The following CCL21 variants were observed in gnomAD, a reference collection of about 807,000 sequenced individuals.
The protein encoded by CCL21 is C-C motif chemokine 21.
In CCL21, 12 loss-of-function variants were observed where a neutral mutation model predicts 16.4. The ratio of observed to expected loss-of-function variants is 0.73; its 90% CI spans 0.47 to 1.18. The LOEUF is 1.18. Among genes scored for constraint, CCL21 ranks in the 50% most tolerant of loss-of-function variants. CCL21 has a pLI of 0.00. For synonymous variants in CCL21, 64 were observed against 62.1 expected (o/e 1.03, Z -0.15); for missense variants, 155 against 163.8 (o/e 0.95, Z 0.29).
At position 34,709,665 on chromosome 9, in the gene CCL21, C is replaced by T. The variant is rs775560130; in HGVS notation, c.206G>A (p.Arg69His). The T allele has an allele frequency of 9.9e-6, 16 of 1,614,032 alleles. No individual in the cohort carries two copies. Among genetic ancestry groups the T allele is most frequent in the South Asian group, 5.5e-5 (5 of 91,082 alleles). Residue 69 changes from arginine (R) to histidine (H), a missense_variant, in exon 3 of 4, where the codon CGC becomes CAC. By Grantham distance (29) the Arg-to-His change is conservative. Coordinates refer to ENST00000259607, the MANE Select transcript of CCL21 (RefSeq NM_002989.4). Reference sequence around the variant, plus strand: ...GTCTGCACATAGCTCTGCCTGAGAGCGCTTGCGGGGCAAGAACCTGCGGGT... The same window carrying T: ...GTCTGCACATAGCTCTGCCTGAGAGTGCTTGCGGGGCAAGAACCTGCGGGT... ...IPAILFLPRK[R>H]SQAELCADPK... is the part of the protein sequence containing the mutation.
chr9:34,709,421 C>T lies in CCL21; in HGVS notation c.378G>A (p.Glu126=), dbSNP rs540479251. 7.4e-6 allele frequency: 12 copies of T among 1,611,318 alleles called. No homozygotes were observed. The South Asian group carries it at 1.2e-4, about 16-fold the overall frequency. Residue 126 remains glutamate (E), a synonymous_variant, in exon 4 of 4, where the codon GAG becomes GAA. Coordinates refer to ENST00000259607, the MANE Select transcript of CCL21 (RefSeq NM_002989.4). ...ATGGCCCTTTAGGGGTCTGTGACCGCTCAGTCCTGTGAGGGCAGAAGAGGG... is the reference window on the plus strand; with the variant it reads ...ATGGCCCTTTAGGGGTCTGTGACCGTTCAGTCCTGTGAGGGCAGAAGAGGG... ...GKGSKGCKRT[E]RSQTPKGP is the part of the protein sequence containing the mutation.
rs1564116399 is a variant in CCL21, at chr9:34,709,321, T to C, written c.*73A>G. ...AGGGCCCCTGAGCATAGCCTCCTTCTTGCATCTTGGGTTCAGGCTTCAAGC... is the reference window on the plus strand; with the variant it reads ...AGGGCCCCTGAGCATAGCCTCCTTCCTGCATCTTGGGTTCAGGCTTCAAGC... On this transcript the variant is annotated 3_prime_UTR_variant, in exon 4 of 4. Transcript: ENST00000259607. 4 of 1,569,524 alleles carry C rather than the reference T, an allele frequency of 2.5e-6. No homozygotes were observed. Among genetic ancestry groups the C allele is most frequent in the Middle Eastern group, 2.3e-4 (1 of 4,340 alleles).
chr9:34,709,351 G>T lies in CCL21; in HGVS notation c.*43C>A. 6.2e-7 allele frequency: 1 copy of T among 1,601,642 alleles called. No homozygotes were observed. The highest frequency in any genetic ancestry group is 8.5e-7 in the Non-Finnish European group (1 of 1,176,688). ...TCTTGGGTTCAGGCTTCAAGCGCTG[G>T]TGAGGCTGGTGGGGTCTCCAGGGCT... is the stretch of plus-strand genomic sequence containing the variant. On this transcript the variant is annotated 3_prime_UTR_variant, in exon 4 of 4. Transcript: ENST00000259607.
chr9:34,709,976 C>A, intron 1 of CCL21, 24 bp downstream of exon 1: 2 of 1,614,120 alleles, frequency 1.2e-6, no homozygotes, highest in Non-Finnish European at 1.7e-6. Flanking sequence ...TAGCCCCATG[C>A]AAGGCCCCTC....
rs1193642305 is a variant in CCL21, at chr9:34,709,297, G to C, written c.*97C>G. Reference sequence around the variant, plus strand: ...AGGCCAGCATGGGGTGGCTGCTCCAGGGCCCCTGAGCATAGCCTCCTTCTT... The same window carrying C: ...AGGCCAGCATGGGGTGGCTGCTCCACGGCCCCTGAGCATAGCCTCCTTCTT... On this transcript the variant is annotated 3_prime_UTR_variant, in exon 4 of 4. Coordinates refer to ENST00000259607, the MANE Select transcript of CCL21 (RefSeq NM_002989.4). 2.5e-5 allele frequency: 37 copies of C among 1,452,024 alleles called. No individual in the cohort carries two copies. The highest frequency in any genetic ancestry group is 2.9e-5 in the Non-Finnish European group (31 of 1,053,882). 89.9% of individuals were successfully genotyped at this position (1,452,024 alleles called of 1,614,324 possible). A position where few individuals can be genotyped will look rare whatever the true frequency, so the allele number is the denominator to read the frequency against.
chr9:34,709,469 C>G (rs752562720), intron 3 of CCL21, 31 bp downstream of exon 3: 1 of 1,613,448 alleles, frequency 6.2e-7, no homozygotes, highest in East Asian at 2.2e-5. Flanking sequence ...GACTGAGGCT[C>G]CCCTTTACCC....
At chr9:34,709,933 T>C in intron 1 of CCL21, 36 bp from the exon 2 acceptor site, 1 of 1,614,126 alleles carries the variant, frequency 6.2e-7, no homozygotes, top group Non-Finnish European at 8.5e-7. Flanking sequence ...CAGGGGCTGC[T>C]GGCAAGCTCC....
At position 34,709,288 on chromosome 9, in the gene CCL21, G is replaced by A; in HGVS notation, c.*106C>T. ...AGTGTGGCAAGGCCAGCATGGGGTG[G>A]CTGCTCCAGGGCCCCTGAGCATAGC... On this transcript the variant is annotated 3_prime_UTR_variant, in exon 4 of 4. Coordinates refer to ENST00000259607, the MANE Select transcript of CCL21 (RefSeq NM_002989.4). The A allele has an allele frequency of 3.0e-6, 4 of 1,337,556 alleles. No individual in the cohort carries two copies. The highest frequency in any genetic ancestry group is 4.2e-6 in the Non-Finnish European group (4 of 950,226). The allele number at this position is 1,337,556 out of a possible 1,614,324, so 82.9% of individuals were successfully genotyped here.
chr9:34,709,538 C>A lies in CCL21; in HGVS notation c.333G>T (p.Lys111Asn), dbSNP rs1322924992. The A allele has an allele frequency of 5.0e-6, 8 of 1,614,186 alleles. No homozygotes were observed. Among genetic ancestry groups the A allele is most frequent in the Non-Finnish European group, 6.8e-6 (8 of 1,180,022 alleles). The change falls in exon 3 of 4, where the codon AAG (lysine) becomes AAT (asparagine). Residue 111 changes from lysine to asparagine, a missense_variant. Lys to Asn is a moderately conservative substitution (Grantham distance 94). Transcript: ENST00000259607. ...TGGAGCCCTTTCCTTTCTTGCCAGTCTTGGAGGCCCCCCTGTCCTTCCTGC... is the reference window on the plus strand; with the variant it reads ...TGGAGCCCTTTCCTTTCTTGCCAGTATTGGAGGCCCCCCTGTCCTTCCTGC... ...QGCRKDRGAS[K>N]TGKKGKGSKG...
In CCL21 at chr9:34,709,545, G is replaced by GCC; in HGVS notation, c.324_325dup (p.Ala109GlyfsTer90). The stretch of plus-strand genomic sequence containing the variant: ...CTTTCCTTTCTTGCCAGTCTTGGAG[G>GCC]CCCCCCTGTCCTTCCTGCAGCCCTG... On this transcript the variant is annotated frameshift_variant, in exon 3 of 4. Coordinates refer to ENST00000259607, the MANE Select transcript of CCL21 (RefSeq NM_002989.4). LOFTEE classifies it high-confidence loss of function. 1 of 1,614,106 alleles carries GCC rather than the reference G, an allele frequency of 6.2e-7. No homozygotes were observed. The highest frequency in any genetic ancestry group is 8.5e-7 in the Non-Finnish European group (1 of 1,180,004).
At position 34,709,493 on chromosome 9, in the gene CCL21, T is replaced by C. The variant is rs1398144800; in HGVS notation, c.371+7A>G. On this transcript the variant is annotated splice_region_variant and intron_variant, in intron 3 of 3. Coordinates refer to ENST00000259607, the MANE Select transcript of CCL21 (RefSeq NM_002989.4). The stretch of plus-strand genomic sequence containing the variant: ...TCCCCTTTACCCACATCCCTCAGAT[T>C]CCTCACCTCTTGCAGCCTTTGGAGC... 20 of 1,613,900 alleles carry C rather than the reference T, an allele frequency of 1.2e-5. No homozygotes were observed. Among genetic ancestry groups the C allele is most frequent in the Non-Finnish European group, 1.7e-5 (20 of 1,179,982 alleles).
In CCL21 at chr9:34,709,211, C is replaced by G. The variant is rs752819354; in HGVS notation, c.*183G>C. Reference sequence around the variant, plus strand: ...ACCTGGCCTGCTGTGGGCAGCTCAGCCATGCAGGGTAGAGCTGGGAATGCA... The same window carrying G: ...ACCTGGCCTGCTGTGGGCAGCTCAGGCATGCAGGGTAGAGCTGGGAATGCA... On this transcript the variant is annotated 3_prime_UTR_variant, in exon 4 of 4. Transcript: ENST00000259607. 9 of 750,548 alleles carry G rather than the reference C, an allele frequency of 1.2e-5. No individual in the cohort carries two copies. The highest frequency in any genetic ancestry group is 1.8e-5 in the Non-Finnish European group (8 of 449,604). The allele number at this position is 750,548 out of a possible 1,614,324, so 46.5% of individuals were successfully genotyped here.
rs1324479687 is a variant in CCL21, at chr9:34,709,896, G to C, written c.69C>G (p.Gly23=). The C allele has an allele frequency of 6.2e-7, 1 of 1,614,190 alleles. No individual in the cohort carries two copies. The highest frequency in any genetic ancestry group is 8.5e-7 in the Non-Finnish European group (1 of 1,180,024). The change falls in exon 2 of 4, where the codon GGC becomes GGG. Residue 23 remains glycine (G), a splice_region_variant and synonymous_variant. Coordinates refer to ENST00000259607, the MANE Select transcript of CCL21 (RefSeq NM_002989.4). ...AACAGTCCTGAGCCCCTCCATCACT[G>C]CCTGCAGGGTGGGATTCACAGGGAG... ...VLAFGIPRTQ[G]SDGGAQDCCL...
chr9:34,709,122 A>G lies in CCL21; in HGVS notation c.*272T>C. ...CCAGGGTCCTGATGATTCTCCTTCA[A>G]GGGGACAGTCCTGCTGCCTCCTCTC... On this transcript the variant is annotated 3_prime_UTR_variant, in exon 4 of 4. Transcript: ENST00000259607. The G allele has an allele frequency of 1.8e-6, 1 of 543,850 alleles. No individual in the cohort carries two copies. The allele number at this position is 543,850 out of a possible 1,614,324, so 33.7% of individuals were successfully genotyped here.
At chr9:34,709,720 C>T (rs1466501980) in intron 2 of CCL21, 38 bp from the exon 3 acceptor site, 1 of 1,613,484 alleles carries the variant, frequency 6.2e-7, no homozygotes, top group Middle Eastern at 1.6e-4. Context: ...TAGTCTTGCC[C>T]ACCATGCCCT....
chr9:34,709,149 T>C lies in CCL21; in HGVS notation c.*245A>G, dbSNP rs2132412430. The C allele has an allele frequency of 3.4e-6, 2 of 582,990 alleles. No homozygotes were observed. The highest frequency in any genetic ancestry group is 2.9e-5 in the East Asian group (1 of 34,704). 36.1% of individuals were successfully genotyped at this position (582,990 alleles called of 1,614,324 possible). Reference sequence around the variant, plus strand: ...GGGACAGTCCTGCTGCCTCCTCTCATGCTCCCTGGGAGACTCTCCCTCCTC... The same window carrying C: ...GGGACAGTCCTGCTGCCTCCTCTCACGCTCCCTGGGAGACTCTCCCTCCTC... On this transcript the variant is annotated 3_prime_UTR_variant, in exon 4 of 4. Transcript: ENST00000259607.
rs776954599 is a variant in CCL21, at chr9:34,709,647, C to G, written c.224G>C (p.Cys75Ser). ...CACCCAGAGCTCCTTTGGGTCTGCA[C>G]ATAGCTCTGCCTGAGAGCGCTTGCG... is the stretch of plus-strand genomic sequence containing the variant. ...LPRKRSQAEL[C>S]ADPKELWVQQ... The change falls in exon 3 of 4, where the codon TGT becomes TCT. Residue 75 changes from cysteine (C) to serine (S), a missense_variant. Physicochemically the swap from Cys to Ser is moderately radical, Grantham distance 112. Coordinates refer to ENST00000259607, the MANE Select transcript of CCL21 (RefSeq NM_002989.4). 33 of 1,614,042 alleles carry G rather than the reference C, an allele frequency of 2.0e-5. No individual in the cohort carries two copies. The highest frequency in any genetic ancestry group is 2.8e-5 in the Non-Finnish European group (33 of 1,180,026).
In CCL21 at chr9:34,709,406, A is replaced by G; in HGVS notation, c.393T>C (p.Pro131=). The G allele has an allele frequency of 6.2e-7, 1 of 1,609,332 alleles. No individual in the cohort carries two copies. Among genetic ancestry groups the G allele is most frequent in the Non-Finnish European group, 8.5e-7 (1 of 1,178,786 alleles). The change falls in exon 4 of 4, where the codon CCT becomes CCC. Residue 131 remains proline (P), a synonymous_variant. Coordinates refer to ENST00000259607, the MANE Select transcript of CCL21 (RefSeq NM_002989.4). ...GCKRTERSQT[P]KGP Reference sequence around the variant, plus strand: ...GCTGCTCACTGGGCTATGGCCCTTTAGGGGTCTGTGACCGCTCAGTCCTGT... The same window carrying G: ...GCTGCTCACTGGGCTATGGCCCTTTGGGGGTCTGTGACCGCTCAGTCCTGT...
chr9:34,709,399 G>T lies in CCL21; in HGVS notation c.400C>A (p.Pro134Thr). The change falls in exon 4 of 4, where the codon CCA (proline) becomes ACA (threonine). Residue 134 changes from proline to threonine, a missense_variant. Coordinates refer to ENST00000259607, the MANE Select transcript of CCL21 (RefSeq NM_002989.4). ...GCTCCAGGCTGCTCACTGGGCTATGGCCCTTTAGGGGTCTGTGACCGCTCA... is the reference window on the plus strand; with the variant it reads ...GCTCCAGGCTGCTCACTGGGCTATGTCCCTTTAGGGGTCTGTGACCGCTCA... Reference protein sequence around the residue: ...RTERSQTPKGP With the variant: ...RTERSQTPKGT 1.9e-6 allele frequency: 3 copies of T among 1,608,104 alleles called. No homozygotes were observed. Among genetic ancestry groups the T allele is most frequent in the Non-Finnish European group, 2.5e-6 (3 of 1,178,526 alleles).
Sources: allele counts gnomAD v4.1 joint callset, GRCh38; gene constraint gnomAD v4.1.1; transcripts MANE v1.5; gene names NCBI Gene and HGNC (gene_info 2026-07-23, HGNC 2026-07-21).